CCDC141: variants seen among roughly 807,000 people sequenced by gnomAD.
CCDC141 encodes the protein coiled-coil domain containing 141, also known as coiled-coil domain-containing protein 141.
Under a neutral mutation model 181.0 loss-of-function variants are expected in CCDC141, and 168 were observed. That is an observed-to-expected ratio of 0.93 (90% CI 0.82 to 1.05). CCDC141 has a LOEUF of 1.05. CCDC141 is among the 50% of genes least tolerant of loss of function. The pLI, the probability that CCDC141 is intolerant of heterozygous loss-of-function variation, is 0.00. For synonymous variants in CCDC141, 666 were observed against 642.3 expected, an observed-to-expected ratio of 1.04 and a Z score of -0.56; for missense variants, 1,902 against 1,788.5, an observed-to-expected ratio of 1.06 and a Z score of -1.14.
the CCDC141 span, among the ~76,000 whole-genome samples, chr2:178,824,723 G>T: frequency 6.6e-6 from 1 of 151,264 alleles, no homozygotes; most frequent in Admixed American, 6.6e-5. Flanking sequence ...GTTAAACCTG[G>T]GCCATCTTTC....
chr2:178,941,789 C>A (rs1197635500), intron 6 of CCDC141, among the ~76,000 whole-genome samples: 11 of 144,390 alleles, frequency 7.6e-5, no homozygotes, highest in South Asian at 2.2e-4. Flanking sequence ...CCCGTCTCTA[C>A]AAAAAAAAAA....
the CCDC141 span, among the ~76,000 whole-genome samples, chr2:178,823,549 T>G: frequency 6.6e-6 from 1 of 152,204 alleles, no homozygotes; most frequent in South Asian, 2.1e-4. Flanking sequence ...GATTCAGTAC[T>G]TTTATGGAAG....
At chr2:179,041,494 T>A (rs944783864) in intron 2 of CCDC141, among the ~76,000 whole-genome samples, 19 of 102,746 alleles carry the variant, frequency 1.8e-4, no homozygotes, top group African/African-American at 1.2e-3. Flanking sequence ...GTTGTGGGTT[T>A]TTTTTTTTTT....
downstream of CCDC141, among the ~76,000 whole-genome samples, chr2:178,828,700 T>C (rs1684161273): frequency 6.6e-6 from 1 of 152,172 alleles, no homozygotes; most frequent in African/African-American, 2.4e-5. Context: ...GACTCTGTTT[T>C]CCAACAGCTT....
At chr2:178,896,720 C>CA (rs975015690) in intron 8 of CCDC141, among the ~76,000 whole-genome samples, 12 of 152,178 alleles carry the variant, frequency 7.9e-5, no homozygotes, top group African/African-American at 2.9e-4. Flanking sequence ...TTCAAGTACT[C>CA]ACACCAACCC....
chr2:178,861,258 A>G (rs563285614), intron 17 of CCDC141, among the ~76,000 whole-genome samples: 158 of 151,834 alleles, frequency 1.0e-3, no homozygotes, highest in Non-Finnish European at 1.2e-3. Context: ...CCTCAAACTC[A>G]TGGGCACATG....
At chr2:178,985,069 A>C (rs376592890) in intron 2 of CCDC141, among the ~76,000 whole-genome samples, 3 of 151,708 alleles carry the variant, frequency 2.0e-5, no homozygotes, top group South Asian at 4.2e-4. Context: ...CTTGGAAGTA[A>C]AGCTCTCCTC....
At chr2:178,862,207 C>G (rs1240573494) in intron 17 of CCDC141, among the ~76,000 whole-genome samples, 1 of 152,158 alleles carries the variant, frequency 6.6e-6, no homozygotes, top group Non-Finnish European at 1.5e-5. Flanking sequence ...AAGTCCTTTT[C>G]TGCATAATTC....
At chr2:178,898,863 A>G (rs573632585) in intron 8 of CCDC141, among the ~76,000 whole-genome samples, 1 of 152,312 alleles carries the variant, frequency 6.6e-6, no homozygotes, top group East Asian at 1.9e-4. Flanking sequence ...ACCTGCCTCA[A>G]TACTAAATTA....
chr2:178,843,723 T>C (rs1182387611), intron 22 of CCDC141, among the ~76,000 whole-genome samples: 2 of 152,204 alleles, frequency 1.3e-5, no homozygotes, highest in Non-Finnish European at 2.9e-5. Flanking sequence ...ACTGCAATAA[T>C]ACCAGGACAA....
chr2:179,028,708 C>T (rs1449225872), intron 2 of CCDC141, among the ~76,000 whole-genome samples: 3 of 152,098 alleles, frequency 2.0e-5, no homozygotes, highest in Non-Finnish European at 4.4e-5. Context: ...CTTTATAATT[C>T]ATTACTTTAT....
chr2:178,940,977 C>T (rs1217800676), intron 6 of CCDC141, among the ~76,000 whole-genome samples: 5 of 152,194 alleles, frequency 3.3e-5, no homozygotes, highest in Admixed American at 6.5e-5. Flanking sequence ...GCCTACCTCT[C>T]GTTGCTTCAG....
downstream of CCDC141, among the ~76,000 whole-genome samples, chr2:178,826,341 G>GT (rs1206424125): frequency 6.6e-6 from 1 of 151,986 alleles, no homozygotes; most frequent in Non-Finnish European, 1.5e-5. Context: ...GTTGTGTTGA[G>GT]GATTTTTGTA....
chr2:178,850,104 A>G lies in CCDC141; in HGVS notation c.3302T>C (p.Leu1101Pro). 1 of 1,611,804 alleles carries G rather than the reference A, an allele frequency of 6.2e-7. No homozygotes were observed. The highest frequency in any genetic ancestry group is 8.5e-7 in the Non-Finnish European group (1 of 1,178,686). ...EKIVTKHKEVLESVTELCESL... is the reference protein window; with the variant it reads ...EKIVTKHKEVPESVTELCESL... ...CTCACATAATTCAGTCACAGATTCA[A>G]GAACCTCTTTGTGTTTTGTCACTAT... The change falls in exon 21 of 24, where the codon CTT (leucine) becomes CCT (proline). Residue 1101 changes from leucine (L) to proline (P), a missense_variant. Coordinates refer to ENST00000443758, the MANE Select transcript of CCDC141 (RefSeq NM_173648.4).
At chr2:179,026,519 T>C (rs556668316) in intron 2 of CCDC141, among the ~76,000 whole-genome samples, 2 of 152,286 alleles carry the variant, frequency 1.3e-5, no homozygotes, top group South Asian at 4.1e-4. Context: ...CAGGCAGAAG[T>C]TTGCTGCAGG....
intron 1 of CCDC141, among the ~76,000 whole-genome samples, chr2:179,048,563 C>G (rs1005233492): frequency 7.9e-5 from 12 of 152,182 alleles, no homozygotes; most frequent in Non-Finnish European, 1.8e-4. Flanking sequence ...GGAAAGTTAA[C>G]TTTTTGAAAA....
intron 18 of CCDC141, 142 bp from the exon 19 acceptor site, chr2:178,855,683 G>C: frequency 1.9e-6 from 1 of 535,754 alleles, no homozygotes; most frequent in Non-Finnish European, 3.2e-6. Flanking sequence ...AATATATTAT[G>C]GTAAGAATGG....
rs1212511584 is a variant in CCDC141, at chr2:178,918,911, C to A, written c.898-4G>T. The A allele has an allele frequency of 9.7e-6, 15 of 1,549,174 alleles. No individual in the cohort carries two copies. The highest frequency in any genetic ancestry group is 1.1e-5 in the Non-Finnish European group (13 of 1,146,234). ...TCTCAACAGCAGAATTCCATTCCTGCAAGAGATTATTCTTATTATTTTATA... is the reference window on the plus strand; with the variant it reads ...TCTCAACAGCAGAATTCCATTCCTGAAAGAGATTATTCTTATTATTTTATA... On this transcript the variant is annotated splice_polypyrimidine_tract_variant and splice_region_variant and intron_variant, in intron 6 of 23. Transcript: ENST00000443758.
At chr2:178,992,275 T>C (rs1329367165) in intron 2 of CCDC141, among the ~76,000 whole-genome samples, 3 of 151,366 alleles carry the variant, frequency 2.0e-5, no homozygotes, top group Non-Finnish European at 2.9e-5. Context: ...CAATTTTTTA[T>C]AATAAAATAT....
Sources: gnomAD v4.1 joint callset for allele counts (sites outside exome capture counted in the v4.1 genomes callset) on GRCh38, gnomAD v4.1.1 for gene constraint, MANE v1.5 for transcripts, NCBI Gene and HGNC (gene_info 2026-07-23, HGNC 2026-07-21) for gene names.